CD96: variants seen among roughly 807,000 people sequenced by gnomAD.
The protein encoded by CD96 is CD96 molecule.
A neutral mutation model predicts 71.3 loss-of-function variants in CD96; 70 were observed. That is an observed-to-expected ratio of 0.98 (90% CI 0.81 to 1.20). The LOEUF is 1.20. CD96 is among the 50% of genes most tolerant of loss of function. CD96 has a pLI of 0.00. For synonymous variants in CD96, 248 were observed against 233.0 expected (o/e 1.06, Z -0.59); for missense variants, 742 against 677.5 (o/e 1.10, Z -1.06).
At chr3:111,582,649 A>C (rs375978118) in intron 4 of CD96, among the ~76,000 whole-genome samples, 10 of 152,246 alleles carry the variant, frequency 6.6e-5, no homozygotes, top group Non-Finnish European at 1.3e-4. Context: ...AAAGTTCCAC[A>C]TGGCTGGGGA....
At chr3:111,579,301 G>C in intron 4 of CD96, 67 bp downstream of exon 4, 1 of 879,836 alleles carries the variant, frequency 1.1e-6, no homozygotes, top group South Asian at 1.3e-5. Context: ...TCCTTGAAGA[G>C]GAAGCACCCT....
downstream of CD96, among the ~76,000 whole-genome samples, chr3:111,655,364 C>A (rs1940204137): frequency 6.6e-6 from 1 of 151,994 alleles, no homozygotes; most frequent in East Asian, 1.9e-4. Context: ...TACTTATTGC[C>A]TTCAGTGAAT....
intron 7 of CD96, among the ~76,000 whole-genome samples, chr3:111,603,683 T>A (rs1937550520): frequency 6.6e-6 from 1 of 152,234 alleles, no homozygotes; most frequent in Admixed American, 6.5e-5. Context: ...GATTTCTGAC[T>A]GTAGCTGTTG....
chr3:111,542,489 A>C (rs1934152403), intron 1 of CD96, among the ~76,000 whole-genome samples, 180 bp downstream of exon 1: 1 of 152,184 alleles, frequency 6.6e-6, no homozygotes, highest in African/African-American at 2.4e-5. Flanking sequence ...GAATCTAGAA[A>C]TGATTACTAA....
At chr3:111,585,528 T>A in intron 5 of CD96, 150 bp downstream of exon 5, 1 of 640,036 alleles carries the variant, frequency 1.6e-6, no homozygotes, top group Non-Finnish European at 2.9e-6. Flanking sequence ...GCTGGGTTGT[T>A]TCTAGAAAGT....
At chr3:111,638,279 A>T in intron 12 of CD96, 111 bp downstream of exon 12, 2 of 771,310 alleles carry the variant, frequency 2.6e-6, no homozygotes, top group South Asian at 2.8e-5. Flanking sequence ...TATACAGTGA[A>T]CACACTGGCT....
At chr3:111,646,580 T>C (rs1323842066) in intron 12 of CD96, among the ~76,000 whole-genome samples, 1 of 149,780 alleles carries the variant, frequency 6.7e-6, no homozygotes, top group Admixed American at 6.7e-5. Flanking sequence ...CAGGTGAGGA[T>C]GTGGAGAAAA....
At chr3:111,613,539 T>C (rs1368074227) in intron 8 of CD96, among the ~76,000 whole-genome samples, 4 of 152,242 alleles carry the variant, frequency 2.6e-5, no homozygotes, top group Non-Finnish European at 1.5e-5. Flanking sequence ...ATTCAAATGA[T>C]GAAGCTGATT....
downstream of CD96, among the ~76,000 whole-genome samples, chr3:111,653,124 A>G (rs1164562250): frequency 2.6e-5 from 4 of 152,108 alleles, no homozygotes; most frequent in Admixed American, 2.6e-4. Flanking sequence ...CAAGGCTTGA[A>G]AAGTACTTCT....
intron 12 of CD96, among the ~76,000 whole-genome samples, chr3:111,640,568 G>T (rs1461256828): frequency 2.6e-5 from 4 of 152,286 alleles, no homozygotes. Context: ...ACATATTTGG[G>T]GGATAATCAA....
chr3:111,660,643 G>A (rs1416906251), intron 14 of CD96, among the ~76,000 whole-genome samples: 2 of 152,162 alleles, frequency 1.3e-5, no homozygotes, highest in Non-Finnish European at 2.9e-5. Context: ...AGTAACCAAA[G>A]CAGCTTGGTT....
At chr3:111,562,833 C>T (rs1406934828) in intron 2 of CD96, among the ~76,000 whole-genome samples, 1 of 152,220 alleles carries the variant, frequency 6.6e-6, no homozygotes, top group Non-Finnish European at 1.5e-5. Flanking sequence ...TTATCTTAGC[C>T]ATTCCATGAC....
At chr3:111,638,380 G>A in intron 12 of CD96, among the ~76,000 whole-genome samples, 1 of 152,196 alleles carries the variant, frequency 6.6e-6, no homozygotes, top group East Asian at 1.9e-4. Flanking sequence ...CTATGATAAG[G>A]TGTTGTCAGG....
chr3:111,621,409 A>G (rs1938513313), intron 8 of CD96, among the ~76,000 whole-genome samples: 1 of 152,244 alleles, frequency 6.6e-6, no homozygotes, highest in East Asian at 1.9e-4. Context: ...GGAAGAGCCT[A>G]TCATATCTCT....
chr3:111,611,331 C>T (rs1271011877), intron 8 of CD96, among the ~76,000 whole-genome samples: 3 of 152,110 alleles, frequency 2.0e-5, no homozygotes, highest in Non-Finnish European at 4.4e-5. Flanking sequence ...CCAGGGGATG[C>T]AACAAAACTA....
In CD96 at chr3:111,647,460, T is replaced by C. The variant is rs186690493; in HGVS notation, c.1478-83T>C. 10 of 1,252,928 alleles carry C rather than the reference T, an allele frequency of 8.0e-6. No homozygotes were observed. In the Admixed American group the frequency reaches 8.5e-5, roughly 11 times the overall value. The allele number at this position is 1,252,928 out of a possible 1,614,324, so 77.6% of individuals were successfully genotyped here. On this transcript the variant is annotated intron_variant, in intron 12 of 13. Transcript: ENST00000352690. ...CAGCCAATGTTGAAGAAAATATGTT[T>C]CACGTAGGAAAAATGGTTTAATCCT... is the stretch of plus-strand genomic sequence containing the variant.
intron 14 of CD96, among the ~76,000 whole-genome samples, chr3:111,664,362 G>T (rs1022664908): frequency 6.6e-6 from 1 of 152,122 alleles, no homozygotes. Context: ...TTGCAGCAAC[G>T]TGGATGTAGT....
downstream of CD96, among the ~76,000 whole-genome samples, chr3:111,657,168 C>T (rs1225190582): frequency 2.0e-5 from 3 of 151,942 alleles, no homozygotes; most frequent in Non-Finnish European, 4.4e-5. Context: ...ACCTGTAATC[C>T]CAGCATTTTG....
At chr3:111,591,792 C>T (rs879865817) in intron 5 of CD96, among the ~76,000 whole-genome samples, 8 of 152,260 alleles carry the variant, frequency 5.3e-5, no homozygotes, top group Non-Finnish European at 8.8e-5. Flanking sequence ...AAGAACATGA[C>T]GGGACTTCAG....
Sources: gnomAD v4.1 joint callset for allele counts (sites outside exome capture counted in the v4.1 genomes callset) on GRCh38, gnomAD v4.1.1 for gene constraint, MANE v1.5 for transcripts, NCBI Gene and HGNC (gene_info 2026-07-23, HGNC 2026-07-21) for gene names.